Variants in FAM204A observed in about 807,000 individuals in gnomAD.
FAM204A encodes protein FAM204A.
A neutral mutation model predicts 35.4 loss-of-function variants in FAM204A; 16 were observed. The ratio of observed to expected loss-of-function variants is 0.45; its 90% confidence interval spans 0.31 to 0.69. The LOEUF (loss-of-function observed/expected upper bound fraction) is 0.69, where lower values mean the gene tolerates loss of function less well. Among genes scored for constraint, FAM204A ranks in the 30% least tolerant of loss-of-function variants. The pLI, the probability that FAM204A is intolerant of heterozygous loss-of-function variation, is 0.07. For synonymous variants in FAM204A, 76 were observed against 86.9 expected (o/e 0.88, Z 0.70); for missense variants, 240 against 265.7 (o/e 0.90, Z 0.67).
intron 2 of FAM204A, among the ~76,000 whole-genome samples, chr10:118,339,904 C>G (rs558717176): frequency 6.6e-6 from 1 of 152,180 alleles, no homozygotes; most frequent in South Asian, 2.1e-4. Context: ...GTCTGAATAA[C>G]TAGGGTTTCT....
rs769994138 is a variant in FAM204A, at chr10:118,335,595, G to A, written c.281C>T (p.Thr94Ile). Residue 94 changes from threonine (T) to isoleucine (I), a missense_variant, in exon 4 of 9, where the codon ACC (threonine) becomes ATC (isoleucine). By Grantham distance (89) the Thr-to-Ile change is moderately conservative (BLOSUM62 -1). Around this residue, in one of 2 missense-constraint regions of FAM204A, gnomAD observed 232 missense variants for 242.8 expected, o/e 0.96. Transcript: ENST00000369183. ...TCTTCTTTTCCCTCTGAATCTTGAGGTTGTGCTTTTCTGTTCAGAATGTTT... is the reference window on the plus strand; with the variant it reads ...TCTTCTTTTCCCTCTGAATCTTGAGATTGTGCTTTTCTGTTCAGAATGTTT... ...HKKHSEQKST[T>I]SRFRGKRRKR... The A allele has an allele frequency of 2.5e-5, 41 of 1,611,010 alleles. No homozygotes were observed. The highest frequency in any genetic ancestry group is 3.2e-5 in the Non-Finnish European group (38 of 1,179,336).
chr10:118,324,600 A>G (rs1846169087), intron 7 of FAM204A, among the ~76,000 whole-genome samples: 1 of 152,190 alleles, frequency 6.6e-6, no homozygotes, highest in South Asian at 2.1e-4. Flanking sequence ...CAAATGGACA[A>G]ATATTAAATA....
intron 7 of FAM204A, among the ~76,000 whole-genome samples, chr10:118,323,026 T>C (rs10886222): frequency 0.6 from 91,228 of 151,966 alleles, 28,853 homozygotes; most frequent in Admixed American, 0.77. Flanking sequence ...TTCCCTTACC[T>C]TTTCTTCCTT....
chr10:118,317,123 A>C (rs753694091), intron 7 of FAM204A, among the ~76,000 whole-genome samples: 1 of 152,082 alleles, frequency 6.6e-6, no homozygotes, highest in Non-Finnish European at 1.5e-5. Context: ...CATTTACAAT[A>C]ATGTGCCATC....
rs1845899628 is a variant in FAM204A at position 118,308,542 on chromosome 10, C to T, written c.*2315G>A. On this transcript the variant is annotated 3_prime_UTR_variant, in exon 9 of 9. Transcript: ENST00000369183. ...TCCCCACAAATCTTCCCTCCAACCC[C>T]TTCTTCTGCTACACATAACGTTTTA... 2 of 152,186 alleles carry T rather than the reference C, an allele frequency of 1.3e-5. No individual in the cohort carries two copies. The allele number at this position is 152,186 out of a possible 1,614,324, so 9.4% of individuals were successfully genotyped here.
rs769284923 is a variant in FAM204A at position 118,326,135 on chromosome 10, T to G, written c.543+19A>C. 2.5e-6 allele frequency: 4 copies of G among 1,590,788 alleles called. No homozygotes were observed. Among genetic ancestry groups the G allele is most frequent in the Non-Finnish European group, 3.4e-6 (4 of 1,165,712 alleles). Reference sequence around the variant, plus strand: ...AGAAAATTTGAAAATACAGAAAATGTGTAACCCTTTTGACTCACCTCTCGA... The same window carrying G: ...AGAAAATTTGAAAATACAGAAAATGGGTAACCCTTTTGACTCACCTCTCGA... On this transcript the variant is annotated intron_variant, in intron 7 of 8. Transcript: ENST00000369183.
chr10:118,337,141 T>C (rs762022466), intron 2 of FAM204A: 340 of 601,316 alleles, frequency 5.7e-4, no homozygotes, highest in Non-Finnish European at 4.9e-4. Context: ...AGTCCATTAG[T>C]AGAGAGAACC....
intron 6 of FAM204A, chr10:118,326,467 G>C (rs918487794): frequency 7.5e-5 from 35 of 469,192 alleles, no homozygotes; most frequent in East Asian, 3.1e-4. Context: ...AAAATAAGAC[G>C]CAAATCCAGA....
chr10:118,340,182 A>G (rs752486551), intron 2 of FAM204A, among the ~76,000 whole-genome samples: 41 of 152,370 alleles, frequency 2.7e-4, no homozygotes, highest in Non-Finnish European at 3.8e-4. Context: ...ACTGGTAGTT[A>G]TAGGTCTGAT....
chr10:118,322,556 T>G lies in FAM204A; in HGVS notation c.543+3598A>C, dbSNP rs1174434253. Reference sequence around the variant, plus strand: ...GAAAAACTGAGGAACCATTCCAGATTAAAAAAACTAAAGAAACATGACGAC... The same window carrying G: ...GAAAAACTGAGGAACCATTCCAGATGAAAAAAACTAAAGAAACATGACGAC... On this transcript the variant is annotated intron_variant, in intron 7 of 8. Coordinates refer to ENST00000369183, the MANE Select transcript of FAM204A (RefSeq NM_022063.3). The G allele has an allele frequency of 1.3e-4, 29 of 226,800 alleles. 1 individual carries two copies. In the South Asian group the frequency reaches 1.4e-3, roughly 11 times the overall value. The allele number at this position is 226,800 out of a possible 1,614,324, so 14.0% of individuals were successfully genotyped here.
In FAM204A at chr10:118,298,754, T is replaced by A. The variant is rs1232164355; in HGVS notation, c.*12103A>T. On this transcript the variant is annotated 3_prime_UTR_variant, in exon 9 of 9. Transcript: ENST00000369183. ...TGATGAAATGTCTGGGGAAGAGGTT[T>A]CAGTCAACTGTCACTATCTTCGGCA... 2.6e-5 allele frequency: 4 copies of A among 152,246 alleles called. No homozygotes were observed. Among genetic ancestry groups the A allele is most frequent in the African/African-American group, 7.2e-5 (3 of 41,448 alleles). 9.4% of individuals were successfully genotyped at this position (152,246 alleles called of 1,614,324 possible).
At chr10:118,313,134 T>C (rs1845978761) in intron 7 of FAM204A, among the ~76,000 whole-genome samples, 3 of 151,980 alleles carry the variant, frequency 2.0e-5, no homozygotes, top group African/African-American at 7.3e-5. Context: ...ACTGAAAAAC[T>C]ATCCATTTGT....
chr10:118,341,495 T>G (rs140015009), intron 2 of FAM204A, among the ~76,000 whole-genome samples: 103 of 152,240 alleles, frequency 6.8e-4, no homozygotes, highest in African/African-American at 2.4e-3. Context: ...GTTCCTTTTC[T>G]CAAAAAAGGT....
At chr10:118,329,729 G>A (rs1846260856) in intron 6 of FAM204A, among the ~76,000 whole-genome samples, 2 of 152,126 alleles carry the variant, frequency 1.3e-5, no homozygotes, top group Admixed American at 1.3e-4. Flanking sequence ...CACCGGCTTG[G>A]TGTGTCCCAG....
chr10:118,332,823 C>T (rs372896874), intron 6 of FAM204A, among the ~76,000 whole-genome samples: 1 of 152,160 alleles, frequency 6.6e-6, no homozygotes, highest in Non-Finnish European at 1.5e-5. Flanking sequence ...ATTAGGTATA[C>T]ATAAAACTAC....
At position 118,301,308 on chromosome 10, in the gene FAM204A, T is replaced by A. The variant is rs540758619; in HGVS notation, c.*9549A>T. On this transcript the variant is annotated 3_prime_UTR_variant, in exon 9 of 9. Coordinates refer to ENST00000369183, the MANE Select transcript of FAM204A (RefSeq NM_022063.3). ...CCCTACTTGCAACTTAGCAAGTCAG[T>A]TGGCCAGTTTTACAAATGCTGATAG... 1 of 152,208 alleles carries A rather than the reference T, an allele frequency of 6.6e-6. No individual in the cohort carries two copies. The highest frequency in any genetic ancestry group is 2.4e-5 in the African/African-American group (1 of 41,452). The allele number at this position is 152,208 out of a possible 1,614,324, so 9.4% of individuals were successfully genotyped here. A position where few individuals can be genotyped will look rare whatever the true frequency, so the allele number is the denominator to read the frequency against.
Position 118,298,164 on chromosome 10 carries a change from A to C in FAM204A, c.*12693T>G, listed in dbSNP as rs897869728. ...GAGAGCTAACGTTACGTGTGGCTTT[A>C]AATTTTTGAGCCCCAGTCCCTGGAA... On this transcript the variant is annotated 3_prime_UTR_variant, in exon 9 of 9. Coordinates refer to ENST00000369183, the MANE Select transcript of FAM204A (RefSeq NM_022063.3). 3 of 152,164 alleles carry C rather than the reference A, an allele frequency of 2.0e-5. No individual in the cohort carries two copies. Among genetic ancestry groups the C allele is most frequent in the Admixed American group, 6.5e-5 (1 of 15,274 alleles). The allele number at this position is 152,164 out of a possible 1,614,324, so 9.4% of individuals were successfully genotyped here. A position where few individuals can be genotyped will look rare whatever the true frequency, so the allele number is the denominator to read the frequency against.
intron 2 of FAM204A, among the ~76,000 whole-genome samples, chr10:118,340,212 T>A (rs1305393234): frequency 6.6e-6 from 1 of 152,160 alleles, no homozygotes; most frequent in South Asian, 2.1e-4. Flanking sequence ...AAAAAAACAT[T>A]CATAAATAAG....
At chr10:118,334,668 T>C (rs1416441716) in intron 6 of FAM204A, among the ~76,000 whole-genome samples, 2 of 152,224 alleles carry the variant, frequency 1.3e-5, no homozygotes, top group African/African-American at 4.8e-5. Flanking sequence ...ATTTGGTCAC[T>C]GACTGCCTGC....
Sources: allele counts gnomAD v4.1 joint callset (sites outside exome capture counted in the v4.1 genomes callset), GRCh38; gene constraint gnomAD v4.1.1; regional missense constraint gnomAD v4.1.1; transcripts MANE v1.5; gene names NCBI Gene and HGNC (gene_info 2026-07-23, HGNC 2026-07-21).